Variants in GRID2IP observed in about 807,000 individuals in gnomAD.
The protein encoded by GRID2IP is delphilin.
Under a neutral mutation model 114.3 loss-of-function variants are expected in GRID2IP, and 78 were observed. The ratio of observed to expected loss-of-function variants is 0.68; its 90% confidence interval spans 0.57 to 0.82. GRID2IP has a LOEUF of 0.82. GRID2IP is among the 40% of genes least tolerant of loss of function. The pLI, the probability that GRID2IP is intolerant of heterozygous loss-of-function variation, is 0.00. For synonymous variants in GRID2IP, 809 were observed against 724.0 expected, an observed-to-expected ratio of 1.12 and a Z score of -1.89; for missense variants, 1,727 against 1,678.5, an observed-to-expected ratio of 1.03 and a Z score of -0.51.
At position 6,521,551 on chromosome 7, in the gene GRID2IP, C is replaced by T; in HGVS notation, c.990-28G>A. 6.6e-7 allele frequency: 1 copy of T among 1,508,394 alleles called. No individual in the cohort carries two copies. The highest frequency in any genetic ancestry group is 8.9e-7 in the Non-Finnish European group (1 of 1,117,894). 93.4% of individuals were successfully genotyped at this position (1,508,394 alleles called of 1,614,324 possible). ...GCCAAGCAGAGATGGCCCAGGAGGG[C>T]CTGACTGGGGTGAGCCCTGTCCACG... On this transcript the variant is annotated intron_variant, in intron 5 of 21. Transcript: ENST00000457091. The surrounding 1 kb of genome is among the most constrained non-coding windows in gnomAD (Gnocchi z 4.1).
chr7:6,500,482 G>A (rs920665548), intron 20 of GRID2IP, among the ~76,000 whole-genome samples: 2 of 152,036 alleles, frequency 1.3e-5, no homozygotes, highest in East Asian at 1.9e-4. Context: ...ACAAAAATCC[G>A]GGTGTGAAGT....
chr7:6,533,416 T>C (rs1779668670), intron 2 of GRID2IP, among the ~76,000 whole-genome samples: 1 of 152,172 alleles, frequency 6.6e-6, no homozygotes, highest in African/African-American at 2.4e-5. Context: ...TGGAGTGCAA[T>C]GGCATGATCA....
rs552395182 is a variant in GRID2IP at position 6,502,862 on chromosome 7, G to A, written c.3074C>T (p.Ala1025Val). Reference sequence around the variant, plus strand: ...TCCATCGTTGAGATAGTTGCCCATGGCCAACACAAACTGTGGACAAGAAGG... The same window carrying A: ...TCCATCGTTGAGATAGTTGCCCATGACCAACACAAACTGTGGACAAGAAGG... Reference protein sequence around the residue: ...KLAKILEFVLAMGNYLNDGQP... With the variant: ...KLAKILEFVLVMGNYLNDGQP... Residue 1025 changes from alanine (A) to valine (V), a missense_variant, in exon 18 of 22, where the codon GCC (alanine) becomes GTC (valine). By Grantham distance (64) the Ala-to-Val change is moderately conservative. Transcript: ENST00000457091. 10 of 1,551,620 alleles carry A rather than the reference G, an allele frequency of 6.4e-6. No individual in the cohort carries two copies. Among genetic ancestry groups the A allele is most frequent in the Non-Finnish European group, 8.7e-6 (10 of 1,146,680 alleles).
chr7:6,522,807 ATGTG>A (rs72277817), intron 4 of GRID2IP, among the ~76,000 whole-genome samples: 68 of 147,462 alleles, frequency 4.6e-4, no homozygotes, highest in Middle Eastern at 3.5e-3. Context: ...CCTGGCTAAT[ATGTG>A]TGTGTGTGTG....
In GRID2IP at chr7:6,550,339, C is replaced by A. The variant is rs147784318; in HGVS notation, c.429+669G>T. 9.4e-3 allele frequency among the ~76,000 whole-genome samples: 1,430 copies of A among 152,068 alleles called. 22 individuals carry two copies. The highest frequency in any genetic ancestry group is 0.033 in the African/African-American group (1,368 of 41,470). ...AGAGAAAGGGGCACGTGGGAACATT[C>A]TGGTGTCAATTATTCTATAGTCTAC... On this transcript the variant is annotated intron_variant, in intron 1 of 21. Coordinates refer to ENST00000457091, the MANE Select transcript of GRID2IP (RefSeq NM_001145118.2).
chr7:6,527,630 C>T (rs551944531), intron 2 of GRID2IP, among the ~76,000 whole-genome samples: 1 of 152,316 alleles, frequency 6.6e-6, no homozygotes, highest in African/African-American at 2.4e-5. Context: ...CTCTGTCTCC[C>T]AGACTACAGT....
chr7:6,513,804 C>T (rs1190919636), intron 8 of GRID2IP, among the ~76,000 whole-genome samples: 1 of 152,030 alleles, frequency 6.6e-6, no homozygotes, highest in Non-Finnish European at 1.5e-5. Flanking sequence ...TAGGTGAGGC[C>T]AGATGCAGTG....
intron 1 of GRID2IP, among the ~76,000 whole-genome samples, chr7:6,547,675 C>A (rs1388551333): frequency 1.3e-5 from 2 of 152,072 alleles, no homozygotes; most frequent in East Asian, 3.8e-4. Context: ...GGAGTTGAGT[C>A]CTGTGTGTAT....
chr7:6,500,551 C>T (rs1040884218), intron 20 of GRID2IP, among the ~76,000 whole-genome samples: 3 of 152,210 alleles, frequency 2.0e-5, no homozygotes, highest in Admixed American at 2.0e-4. Context: ...CTTAGTGATT[C>T]TCTGCAGATC....
In GRID2IP at chr7:6,526,657, T is replaced by C. The variant is rs1779518882; in HGVS notation, c.697A>G (p.Ser233Gly). 3 of 1,444,766 alleles carry C rather than the reference T, an allele frequency of 2.1e-6. No individual in the cohort carries two copies. Among genetic ancestry groups the C allele is most frequent in the Admixed American group, 2.8e-5 (1 of 36,216 alleles). 89.5% of individuals were successfully genotyped at this position (1,444,766 alleles called of 1,614,324 possible). A position where few individuals can be genotyped will look rare whatever the true frequency, so the allele number is the denominator to read the frequency against. Residue 233 changes from serine (S) to glycine (G), a missense_variant, in exon 3 of 22, where the codon AGC (serine) becomes GGC (glycine). Ser to Gly is a moderately conservative substitution (Grantham distance 56). Coordinates refer to ENST00000457091, the MANE Select transcript of GRID2IP (RefSeq NM_001145118.2). The surrounding 1 kb of genome is among the most constrained non-coding windows in gnomAD (Gnocchi z 7.6). ...CGCTCCGGCCGCTCCTCGCTGCGGC[T>C]CCGGCGCAGTCGCTGCGCGCCCTGG... ...RAQGAQRLRR[S>G]RSEERPERLL...
At chr7:6,512,231 C>CTTTTTTTTTTTTTTTT (rs1002835555) in intron 8 of GRID2IP, among the ~76,000 whole-genome samples, 2,671 of 90,076 alleles carry the variant, frequency 0.03, 239 homozygotes, top group Non-Finnish European at 0.038. Context: ...TTCTTTTCTT[C>CTTTTTTTTTTTTTTTT]TTTTTTTTTT....
At position 6,526,195 on chromosome 7, in the gene GRID2IP, AC is replaced by A; in HGVS notation, c.919+28del. On this transcript the variant is annotated intron_variant, in intron 4 of 21. Coordinates refer to ENST00000457091, the MANE Select transcript of GRID2IP (RefSeq NM_001145118.2). The surrounding 1 kb of genome is among the most constrained non-coding windows in gnomAD (Gnocchi z 7.6). ...CTTCACCCCATCCTGGGCCTTAGGG[AC>A]TCTTAGGGCAACCGGCCCACCCCTC... 2 of 1,533,860 alleles carry A rather than the reference AC, an allele frequency of 1.3e-6. No individual in the cohort carries two copies. The highest frequency in any genetic ancestry group is 2.4e-5 in the South Asian group (2 of 83,696).
Position 6,526,248 on chromosome 7 carries a change from C to T in GRID2IP, c.895G>A (p.Val299Ile). 6.4e-7 allele frequency: 1 copy of T among 1,551,986 alleles called. No homozygotes were observed. Among genetic ancestry groups the T allele is most frequent in the Non-Finnish European group, 8.7e-7 (1 of 1,147,044 alleles). ...CCAGGCAGGACAGACTCGATCCAGA[C>T]AGGCCCGTGGCCGCGAAGTGTGAAG... ...FGFTLRGHGPVWIESVLPGSP... is the reference protein window; with the variant it reads ...FGFTLRGHGPIWIESVLPGSP... Residue 299 changes from valine (V) to isoleucine (I), a missense_variant, in exon 4 of 22, where the codon GTC becomes ATC. Val to Ile is a conservative substitution (Grantham distance 29). Coordinates refer to ENST00000457091, the MANE Select transcript of GRID2IP (RefSeq NM_001145118.2). The surrounding 1 kb of genome is among the most constrained non-coding windows in gnomAD (Gnocchi z 7.6).
chr7:6,522,378 C>T (rs373458349), intron 4 of GRID2IP, among the ~76,000 whole-genome samples: 8 of 152,152 alleles, frequency 5.3e-5, no homozygotes, highest in East Asian at 3.9e-4. Context: ...GTCTGGAGGG[C>T]AGGACTCAGG....
intron 2 of GRID2IP, among the ~76,000 whole-genome samples, chr7:6,527,391 C>T (rs1465113321): frequency 2.6e-5 from 4 of 152,184 alleles, no homozygotes; most frequent in African/African-American, 7.2e-5. Flanking sequence ...AATGAGGCTC[C>T]GTACCCAACA....
intron 1 of GRID2IP, among the ~76,000 whole-genome samples, chr7:6,545,843 G>A (rs189021283): frequency 2.0e-5 from 3 of 152,206 alleles, no homozygotes; most frequent in East Asian, 3.9e-4. Flanking sequence ...AGCACCAGCC[G>A]CCCCCTCCCC....
chr7:6,538,402 AAAC>A (rs922927769), intron 2 of GRID2IP, among the ~76,000 whole-genome samples: 10 of 148,438 alleles, frequency 6.7e-5, no homozygotes, highest in Non-Finnish European at 1.3e-4. Flanking sequence ...AAACAAAACA[AAAC>A]AAGAAAAGTA....
intron 20 of GRID2IP, among the ~76,000 whole-genome samples, chr7:6,499,012 A>G (rs1186338008): frequency 6.6e-6 from 1 of 152,204 alleles, no homozygotes; most frequent in Non-Finnish European, 1.5e-5. Flanking sequence ...CATCTGATAC[A>G]TGGTCAGTCT....
chr7:6,522,600 C>T (rs1164045091), intron 4 of GRID2IP, among the ~76,000 whole-genome samples: 5 of 152,008 alleles, frequency 3.3e-5, no homozygotes, highest in Non-Finnish European at 5.9e-5. Flanking sequence ...AGTCTTCCCA[C>T]CTCAGGCTCT....
Sources: gnomAD v4.1 joint callset for allele counts (sites outside exome capture counted in the v4.1 genomes callset) on GRCh38, gnomAD v4.1.1 for gene constraint, Gnocchi (gnomAD v3.1) non-coding constraint, MANE v1.5 for transcripts, NCBI Gene and HGNC (gene_info 2026-07-23, HGNC 2026-07-21) for gene names.